Variants in F13A1 observed in about 807,000 individuals in gnomAD.
The protein encoded by F13A1 is coagulation factor XIII A chain.
Under a neutral mutation model 80.1 loss-of-function variants are expected in F13A1, and 47 were observed. The ratio of observed to expected loss-of-function variants is 0.59; its 90% CI spans 0.46 to 0.75. F13A1 has a LOEUF of 0.75. F13A1 is among the 30% of genes least tolerant of loss of function. F13A1 has a pLI of 0.00. For missense variants in F13A1, 817 were observed against 930.4 expected (o/e 0.88, Z 1.59); for synonymous variants, 349 against 344.9 (o/e 1.01, Z -0.13).
At chr6:6,175,269 C>T (rs962842128) in intron 11 of F13A1, among the ~76,000 whole-genome samples, 4 of 152,180 alleles carry the variant, frequency 2.6e-5, no homozygotes, top group Non-Finnish European at 5.9e-5. Context: ...TTGCCTCTTG[C>T]CATTCCACCT....
chr6:6,284,327 GGA>G (rs1758106651), intron 3 of F13A1, among the ~76,000 whole-genome samples: 1 of 152,192 alleles, frequency 6.6e-6, no homozygotes, highest in African/African-American at 2.4e-5. Flanking sequence ...GTGAAGTAAT[GGA>G]GAGAGTGTGT....
intron 5 of F13A1, among the ~76,000 whole-genome samples, chr6:6,249,267 C>A (rs1199442656): frequency 1.3e-5 from 2 of 152,212 alleles, no homozygotes; most frequent in African/African-American, 2.4e-5. Flanking sequence ...AGTTAGAATA[C>A]CCACTCTGGG....
intron 3 of F13A1, among the ~76,000 whole-genome samples, chr6:6,301,952 C>G (rs924463251): frequency 6.6e-6 from 1 of 152,202 alleles, no homozygotes; most frequent in African/African-American, 2.4e-5. Flanking sequence ...CTCCCTCTGT[C>G]CAACAGTGAT....
chr6:6,315,763 CAA>C (rs1561689509), intron 2 of F13A1, among the ~76,000 whole-genome samples: 1 of 151,940 alleles, frequency 6.6e-6, no homozygotes, highest in Non-Finnish European at 1.5e-5. Context: ...AAAATGGAGA[CAA>C]GAGTTTAACT....
intron 10 of F13A1, 130 bp downstream of exon 10, chr6:6,195,667 A>T (rs1761276127): frequency 1.3e-6 from 1 of 783,600 alleles, no homozygotes. Flanking sequence ...AATAATGCCT[A>T]GTTACCTTTG....
At chr6:6,221,131 A>G (rs566412888) in intron 8 of F13A1, among the ~76,000 whole-genome samples, 1 of 152,366 alleles carries the variant, frequency 6.6e-6, no homozygotes, top group South Asian at 2.1e-4. Flanking sequence ...ATGCCTGACC[A>G]CAGAGGAACT....
intron 13 of F13A1, among the ~76,000 whole-genome samples, chr6:6,163,848 T>G (rs1252580482): frequency 6.6e-6 from 1 of 152,182 alleles, no homozygotes; most frequent in Non-Finnish European, 1.5e-5. Flanking sequence ...GATTGCTGGG[T>G]CAAATGGTAG....
intron 11 of F13A1, among the ~76,000 whole-genome samples, chr6:6,180,678 A>G (rs751910863): frequency 6.6e-6 from 1 of 152,348 alleles, no homozygotes; most frequent in South Asian, 2.1e-4. Flanking sequence ...TGTGTTGTGC[A>G]ATGGATGATA....
chr6:6,317,231 A>T (rs941350629), intron 2 of F13A1, among the ~76,000 whole-genome samples: 2 of 152,196 alleles, frequency 1.3e-5, no homozygotes, highest in African/African-American at 2.4e-5. Flanking sequence ...GTAAGCAGTG[A>T]ATATCAACTG....
rs78480929 is a variant in F13A1 at position 6,180,304 on chromosome 6, C to G, written c.1459+1684G>C. Among the ~76,000 whole-genome samples, 29 of 152,362 alleles carry G rather than the reference C, an allele frequency of 1.9e-4. No individual in the cohort carries two copies. In the East Asian group the frequency reaches 3.7e-3, roughly 19 times the overall value. ...CCGATTCTTGGCTGAGAGCCTTTCT[C>G]TGTGCCCGGCAGCACCCGTCCACCC... is the stretch of plus-strand genomic sequence containing the variant. On this transcript the variant is annotated intron_variant, in intron 11 of 14. Coordinates refer to ENST00000264870, the MANE Select transcript of F13A1 (RefSeq NM_000129.4).
intron 8 of F13A1, among the ~76,000 whole-genome samples, chr6:6,203,070 C>A (rs1039944729): frequency 2.0e-5 from 3 of 152,196 alleles, no homozygotes; most frequent in Non-Finnish European, 2.9e-5. Flanking sequence ...AAAGTGGAAG[C>A]ATGGAAGCAG....
chr6:6,259,932 C>T (rs532930722), intron 4 of F13A1, among the ~76,000 whole-genome samples: 66 of 152,330 alleles, frequency 4.3e-4, no homozygotes, highest in Middle Eastern at 3.4e-3. Context: ...GACCCACTAT[C>T]TGGCACTAGT....
chr6:6,167,293 C>T (rs1309510970), intron 13 of F13A1, among the ~76,000 whole-genome samples, 165 bp downstream of exon 13: 2 of 148,918 alleles, frequency 1.3e-5, no homozygotes, highest in African/African-American at 4.9e-5. Context: ...CAGTTTACTT[C>T]TTTCAAAGAA....
intron 8 of F13A1, among the ~76,000 whole-genome samples, chr6:6,220,086 G>A (rs1757169717): frequency 6.6e-6 from 1 of 152,192 alleles, no homozygotes; most frequent in African/African-American, 2.4e-5. Flanking sequence ...AGATCCCACT[G>A]AGCCCTTTAA....
chr6:6,228,007 C>T (rs1757300415), intron 6 of F13A1, among the ~76,000 whole-genome samples: 1 of 152,228 alleles, frequency 6.6e-6, no homozygotes, highest in Admixed American at 6.5e-5. Flanking sequence ...TAATATCTCC[C>T]CTCATAAGCA....
chr6:6,173,990 C>T (rs1452855956), intron 12 of F13A1, among the ~76,000 whole-genome samples: 1 of 152,120 alleles, frequency 6.6e-6, no homozygotes, highest in Non-Finnish European at 1.5e-5. Context: ...GCTCATGGAC[C>T]ACACTTTGAG....
chr6:6,266,104 C>T (rs1369696368), intron 4 of F13A1, among the ~76,000 whole-genome samples: 1 of 152,184 alleles, frequency 6.6e-6, no homozygotes, highest in African/African-American at 2.4e-5. Flanking sequence ...TATCTTCATA[C>T]ACATGGAGGA....
At chr6:6,305,106 CA>C in intron 3 of F13A1, 1 of 549,924 alleles carries the variant, frequency 1.8e-6, no homozygotes, top group Non-Finnish European at 3.3e-6. Flanking sequence ...TTTAGTTAAG[CA>C]ACACATTATA....
intron 4 of F13A1, among the ~76,000 whole-genome samples, chr6:6,251,556 T>C (rs963451566): frequency 1.3e-5 from 2 of 152,104 alleles, no homozygotes; most frequent in Non-Finnish European, 2.9e-5. Flanking sequence ...AGGAGGATCA[T>C]CCTCCCCGTC....
Sources: allele counts gnomAD v4.1 joint callset (sites outside exome capture counted in the v4.1 genomes callset), GRCh38; gene constraint gnomAD v4.1.1; transcripts MANE v1.5; gene names NCBI Gene and HGNC (gene_info 2026-07-23, HGNC 2026-07-21).